Variants in RAPH1 observed in about 807,000 individuals in gnomAD.
The protein encoded by RAPH1 is ras-associated and pleckstrin homology domains-containing protein 1.
In RAPH1, 18 loss-of-function variants were observed where a neutral mutation model predicts 88.1. The ratio of observed to expected loss-of-function variants is 0.20; its 90% confidence interval spans 0.14 to 0.30. RAPH1 has a LOEUF of 0.30. RAPH1 is among the 10% of genes least tolerant of loss of function. RAPH1 has a pLI of 1.00. For synonymous variants in RAPH1, 587 were observed against 559.0 expected (o/e 1.05, Z -0.71); for missense variants, 1,448 against 1,543.2 (o/e 0.94, Z 1.03).
At chr2:203,518,836 T>A (rs1581402387) in intron 1 of RAPH1, among the ~76,000 whole-genome samples, 1 of 151,994 alleles carries the variant, frequency 6.6e-6, no homozygotes, top group East Asian at 1.9e-4. Context: ...CAGAACAAAA[T>A]CCTGTCTCTT....
In RAPH1 at chr2:203,439,889, C is replaced by T; in HGVS notation, c.3301G>A (p.Val1101Met). 6.2e-7 allele frequency: 1 copy of T among 1,613,844 alleles called. No individual in the cohort carries two copies. Residue 1101 changes from valine to methionine, a missense_variant, in exon 14 of 14, where the codon GTG (valine) becomes ATG (methionine). By Grantham distance (21) the Val-to-Met change is conservative. This residue lies in a region of RAPH1 where 935 missense variants were observed against 890.1 expected (regional missense o/e 1.05). Transcript: ENST00000319170. ...TGTGGTTGAGGATTAACGACTGCCA[C>T]TTTTGGAGAGGTGTTTCCCGAGAAA... is the stretch of plus-strand genomic sequence containing the variant. ...AVFSGNTSPK[V>M]AVVNPQPQQW...
chr2:203,496,720 ATT>A (rs930782658), intron 1 of RAPH1, among the ~76,000 whole-genome samples: 1 of 152,172 alleles, frequency 6.6e-6, no homozygotes, highest in Non-Finnish European at 1.5e-5. Flanking sequence ...ATAAAATTTT[ATT>A]TGTTAGAAAA....
chr2:203,483,804 C>T (rs532742292), intron 4 of RAPH1, among the ~76,000 whole-genome samples: 1 of 152,312 alleles, frequency 6.6e-6, no homozygotes, highest in South Asian at 2.1e-4. Context: ...AGGTGGGACA[C>T]TCTGCTCCTA....
At chr2:203,521,066 GT>G (rs1179262842) in intron 1 of RAPH1, among the ~76,000 whole-genome samples, 41 of 151,990 alleles carry the variant, frequency 2.7e-4, no homozygotes, top group Non-Finnish European at 4.4e-5. Flanking sequence ...TTTTTGTTTT[GT>G]TTTTGAGACG....
At chr2:203,444,820 A>G (rs1237227995) in intron 13 of RAPH1, 48 bp downstream of exon 13, 1 of 1,586,844 alleles carries the variant, frequency 6.3e-7, no homozygotes, top group Admixed American at 1.7e-5. Context: ...ATTTAAACCC[A>G]AAAGAATACC....
Position 203,440,348 on chromosome 2 carries a change from G to A in RAPH1, c.2842C>T (p.Pro948Ser). The A allele has an allele frequency of 1.2e-6, 2 of 1,610,668 alleles. No individual in the cohort carries two copies. Among genetic ancestry groups the A allele is most frequent in the Non-Finnish European group, 1.7e-6 (2 of 1,177,890 alleles). Residue 948 changes from proline (P) to serine (S), a missense_variant, in exon 14 of 14, where the codon CCT becomes TCT. Transcript: ENST00000319170. ...GGAGATCCACTTTTGTCAGGGGTAG[G>A]AGAAGCTGTGGGTGGAGGTGGTGGT... ...PPPPPPPTAS[P>S]TPDKSGSPGK...
chr2:203,455,253 A>AC (rs1287955186), intron 9 of RAPH1, among the ~76,000 whole-genome samples, 184 bp downstream of exon 9: 1 of 152,264 alleles, frequency 6.6e-6, no homozygotes, highest in Non-Finnish European at 1.5e-5. Context: ...TCAACTAGTG[A>AC]CCAGAGAAGT....
At chr2:203,464,974 A>G (rs1424780916) in intron 4 of RAPH1, among the ~76,000 whole-genome samples, 1 of 152,244 alleles carries the variant, frequency 6.6e-6, no homozygotes, top group Admixed American at 6.5e-5. Context: ...CCAAAATCCA[A>G]AACACTAACA....
rs1037979205 is a variant in RAPH1 at position 203,437,435 on chromosome 2, C to T, written c.*2002G>A. 3 of 152,214 alleles carry T rather than the reference C, an allele frequency of 2.0e-5. No homozygotes were observed. The highest frequency in any genetic ancestry group is 2.0e-4 in the Admixed American group (3 of 15,278). 9.4% of individuals were successfully genotyped at this position (152,214 alleles called of 1,614,324 possible). ...GACTATGAGAAATTCATTCATGAAT[C>T]ACAGTAGCGCTTGGCAATCTACTCA... On this transcript the variant is annotated 3_prime_UTR_variant, in exon 14 of 14. Coordinates refer to ENST00000319170, the MANE Select transcript of RAPH1 (RefSeq NM_213589.3).
At chr2:203,527,823 A>G (rs1690193774) in intron 1 of RAPH1, among the ~76,000 whole-genome samples, 2 of 147,742 alleles carry the variant, frequency 1.4e-5, no homozygotes, top group South Asian at 2.1e-4. Flanking sequence ...AAAAAAAAAA[A>G]GTATAGAAAA....
chr2:203,533,784 TG>T (rs1324604629), intron 1 of RAPH1, among the ~76,000 whole-genome samples: 1 of 152,116 alleles, frequency 6.6e-6, no homozygotes, highest in African/African-American at 2.4e-5. Context: ...TTTAAGGTGC[TG>T]TTAAACACCT....
chr2:203,462,760 T>G (rs2098525192), intron 4 of RAPH1, among the ~76,000 whole-genome samples: 1 of 152,206 alleles, frequency 6.6e-6, no homozygotes. Context: ...ACTCTAATGC[T>G]GGTACTTGTA....
At chr2:203,506,104 A>C (rs1273896498) in intron 1 of RAPH1, among the ~76,000 whole-genome samples, 2 of 152,216 alleles carry the variant, frequency 1.3e-5, no homozygotes, top group Non-Finnish European at 2.9e-5. Flanking sequence ...CGCACTGGCA[A>C]GAAATCCAAT....
In RAPH1 at chr2:203,508,797, G is replaced by T. The variant is rs2105915109; in HGVS notation, c.1-13444C>A. On this transcript the variant is annotated intron_variant, in intron 1 of 13. Transcript: ENST00000319170. ...TAACAAATAGATCATCTAAATTTCAGAAATAAATTTAAGGAAAAGGAAAAA... is the reference window on the plus strand; with the variant it reads ...TAACAAATAGATCATCTAAATTTCATAAATAAATTTAAGGAAAAGGAAAAA... Among the ~76,000 whole-genome samples, 7 of 152,044 alleles carry T rather than the reference G, an allele frequency of 4.6e-5. 1 individual carries two copies. The South Asian group carries it at 1.4e-3, about 31-fold the overall frequency.
chr2:203,449,602 A>G (rs190872922), intron 10 of RAPH1, among the ~76,000 whole-genome samples: 1 of 152,364 alleles, frequency 6.6e-6, no homozygotes, highest in Non-Finnish European at 1.5e-5. Flanking sequence ...TGGAAAGAAA[A>G]GCCCTAAATC....
At chr2:203,469,899 T>C (rs2098531579) in intron 4 of RAPH1, among the ~76,000 whole-genome samples, 1 of 152,212 alleles carries the variant, frequency 6.6e-6, no homozygotes, top group African/African-American at 2.4e-5. Context: ...ACCCAGAGTA[T>C]GGACAACCAT....
At chr2:203,475,747 T>C (rs181062249) in intron 4 of RAPH1, among the ~76,000 whole-genome samples, 1 of 142,640 alleles carries the variant, frequency 7.0e-6, no homozygotes, top group Admixed American at 6.9e-5. Flanking sequence ...ACACTTCTTG[T>C]ATAAAAAAAA....
intron 1 of RAPH1, among the ~76,000 whole-genome samples, chr2:203,504,921 T>A (rs1219681618): frequency 6.6e-6 from 1 of 152,158 alleles, no homozygotes; most frequent in Non-Finnish European, 1.5e-5. Context: ...GAGAGTCACC[T>A]TTGCTCCAGT....
chr2:203,487,941 AT>A (rs1393824229), intron 4 of RAPH1, among the ~76,000 whole-genome samples: 2 of 152,222 alleles, frequency 1.3e-5, no homozygotes, highest in Non-Finnish European at 2.9e-5. Flanking sequence ...CGAAAAAAAA[AT>A]CAATGATGTC....
Sources: allele counts gnomAD v4.1 joint callset (sites outside exome capture counted in the v4.1 genomes callset), GRCh38; gene constraint gnomAD v4.1.1; regional missense constraint gnomAD v4.1.1; transcripts MANE v1.5; gene names NCBI Gene and HGNC (gene_info 2026-07-23, HGNC 2026-07-21).